Variants in FRMD4B observed in about 807,000 individuals in gnomAD.
FRMD4B encodes FERM domain-containing protein 4B.
Under a neutral mutation model 141.5 loss-of-function variants are expected in FRMD4B, and 74 were observed. That is an observed-to-expected ratio of 0.52 (90% CI 0.43 to 0.63). The LOEUF is 0.63. Among genes scored for constraint, FRMD4B ranks in the 30% least tolerant of loss-of-function variants. The probability of loss-of-function intolerance (pLI) is 0.00; values close to 1 mark genes in which losing one functional copy is unlikely to be tolerated. For missense variants in FRMD4B, 1,366 were observed against 1,253.4 expected, an observed-to-expected ratio of 1.09 and a Z score of -1.36; for synonymous variants, 506 against 467.9, an observed-to-expected ratio of 1.08 and a Z score of -1.05.
intron 1 of FRMD4B, among the ~76,000 whole-genome samples, chr3:69,341,154 G>C: frequency 6.6e-6 from 1 of 152,138 alleles, no homozygotes; most frequent in East Asian, 1.9e-4. Context: ...AGATGAGTGA[G>C]GCTCCTTGGA....
intron 1 of FRMD4B, among the ~76,000 whole-genome samples, chr3:69,540,645 A>ATG (rs1701163600): frequency 1.4e-5 from 1 of 70,938 alleles, no homozygotes; most frequent in Non-Finnish European, 2.4e-5. Context: ...AAATATATAT[A>ATG]TATATATATA....
chr3:69,440,546 TG>T (rs1230482959), intron 1 of FRMD4B, among the ~76,000 whole-genome samples: 4 of 152,258 alleles, frequency 2.6e-5, no homozygotes, highest in African/African-American at 4.8e-5. Flanking sequence ...GGCTCATGCC[TG>T]TAATCCCAGC....
chr3:69,333,510 T>A (rs190571950), intron 1 of FRMD4B, among the ~76,000 whole-genome samples: 1 of 152,372 alleles, frequency 6.6e-6, no homozygotes, highest in East Asian at 1.9e-4. Flanking sequence ...TCCATTACAA[T>A]GTCTCTGTGT....
At chr3:69,415,073 T>G (rs140756733) in intron 2 of FRMD4B, among the ~76,000 whole-genome samples, 1 of 151,182 alleles carries the variant, frequency 6.6e-6, no homozygotes, top group Non-Finnish European at 1.5e-5. Flanking sequence ...ACTATGTTGG[T>G]CAGGCTGGTG....
chr3:69,197,841 T>C (rs2092924411), intron 12 of FRMD4B: 2 of 152,210 alleles, frequency 1.3e-5, no homozygotes, highest in South Asian at 4.1e-4. Context: ...AAGGACTGAT[T>C]AAGAATTTCT....
intron 11 of FRMD4B, among the ~76,000 whole-genome samples, chr3:69,207,708 T>A (rs1389074752): frequency 6.6e-6 from 1 of 151,116 alleles, no homozygotes; most frequent in Non-Finnish European, 1.5e-5. Flanking sequence ...CTCGGGAGGC[T>A]GAGGCAGGAG....
At chr3:69,380,239 T>C (rs541220300) in intron 1 of FRMD4B, among the ~76,000 whole-genome samples, 31 of 152,222 alleles carry the variant, frequency 2.0e-4, no homozygotes, top group African/African-American at 7.2e-4. Context: ...ACAGTCCAAA[T>C]ACCCAAGGTC....
At chr3:69,332,045 C>T (rs145531025) in intron 1 of FRMD4B, among the ~76,000 whole-genome samples, 88 of 152,262 alleles carry the variant, frequency 5.8e-4, no homozygotes, top group Non-Finnish European at 1.0e-3. Context: ...TGAGATCACG[C>T]CACTGCATTC....
intron 1 of FRMD4B, among the ~76,000 whole-genome samples, chr3:69,338,166 A>T (rs1203523285): frequency 6.6e-6 from 1 of 152,194 alleles, no homozygotes; most frequent in Non-Finnish European, 1.5e-5. Flanking sequence ...AGGGACAGGG[A>T]TAAAGCTGGA....
intron 1 of FRMD4B, among the ~76,000 whole-genome samples, chr3:69,374,718 G>A (rs1703918839): frequency 6.6e-6 from 1 of 152,184 alleles, no homozygotes; most frequent in Middle Eastern, 3.2e-3. Context: ...GTATAAACCA[G>A]ACAGTAGCAT....
chr3:69,344,096 G>A (rs1016555119), intron 1 of FRMD4B, among the ~76,000 whole-genome samples: 1 of 152,218 alleles, frequency 6.6e-6, no homozygotes, highest in Admixed American at 6.5e-5. Flanking sequence ...CCAAGGGCCA[G>A]TGTCAAATTT....
At chr3:69,260,313 T>TC (rs2093518177) in intron 5 of FRMD4B, among the ~76,000 whole-genome samples, 1 of 152,210 alleles carries the variant, frequency 6.6e-6, no homozygotes, top group Non-Finnish European at 1.5e-5. Context: ...GTTCGCGAGT[T>TC]GGCGAGTCAG....
At position 69,169,353 on chromosome 3, in the gene FRMD4B, C is replaced by CTTCCTTTTT. The variant is rs1553691418; in HGVS notation, c.*2507_*2508insAAAAAGGAA. On this transcript the variant is annotated 3_prime_UTR_variant, in exon 23 of 23. Coordinates refer to ENST00000398540, the MANE Select transcript of FRMD4B (RefSeq NM_015123.3). Reference sequence around the variant, plus strand: ...AGGATTGCTGAACTTCCATTTCTTTCTTTTTTTTTTTTTTTTTTTTTTCTT... The same window carrying CTTCCTTTTT: ...AGGATTGCTGAACTTCCATTTCTTTCTTCCTTTTTTTTTTTTTTTTTTTTTTTTTTTCTT... Among the ~76,000 whole-genome samples, 6 of 29,286 alleles carry CTTCCTTTTT rather than the reference C, an allele frequency of 2.0e-4. 3 individuals are homozygous for CTTCCTTTTT. The highest frequency in any genetic ancestry group is 1.3e-4 in the African/African-American group (2 of 15,666). The allele number at this position is 29,286 out of a possible 152,430, so 19.2% of individuals were successfully genotyped here. A position where few individuals can be genotyped will look rare whatever the true frequency, so the allele number is the denominator to read the frequency against.
At chr3:69,364,748 A>C (rs1358582985) in intron 1 of FRMD4B, among the ~76,000 whole-genome samples, 1 of 152,228 alleles carries the variant, frequency 6.6e-6, no homozygotes, top group African/African-American at 2.4e-5. Context: ...ATTATATTTA[A>C]GTTAATAAAT....
intron 1 of FRMD4B, among the ~76,000 whole-genome samples, chr3:69,528,718 A>C (rs1700968552): frequency 6.6e-6 from 1 of 152,008 alleles, no homozygotes; most frequent in Non-Finnish European, 1.5e-5. Flanking sequence ...ACAAGGATTC[A>C]AGTGTAAGGT....
intron 1 of FRMD4B, among the ~76,000 whole-genome samples, chr3:69,541,610 A>G (rs970731801): frequency 6.6e-6 from 1 of 152,352 alleles, no homozygotes; most frequent in South Asian, 2.1e-4. Context: ...AGTAGGAGCT[A>G]AAGATTATAT....
chr3:69,370,047 AAAGC>A, intron 1 of FRMD4B, among the ~76,000 whole-genome samples: 1 of 152,118 alleles, frequency 6.6e-6, no homozygotes, highest in East Asian at 1.9e-4. Flanking sequence ...AGAGTTGGGG[AAAGC>A]AAGCTTTTAA....
intron 2 of FRMD4B, among the ~76,000 whole-genome samples, chr3:69,402,640 A>T (rs1431009524): frequency 6.6e-6 from 1 of 152,186 alleles, no homozygotes; most frequent in Non-Finnish European, 1.5e-5. Context: ...GGCTGAATTG[A>T]ACCAAATATC....
exon 1 of FRMD4B, chr3:69,542,524 T>TA (rs972868626): frequency 2.6e-5 from 4 of 152,610 alleles, no homozygotes; most frequent in African/African-American, 9.7e-5. Context: ...GCTCCACACT[T>TA]ACAGCTGTGC....
Sources: gnomAD v4.1 joint callset for allele counts (sites outside exome capture counted in the v4.1 genomes callset) on GRCh38, gnomAD v4.1.1 for gene constraint, MANE v1.5 for transcripts, NCBI Gene and HGNC (gene_info 2026-07-23, HGNC 2026-07-21) for gene names.